The following COMP variants were observed in gnomAD, a reference collection of about 807,000 sequenced individuals.
The protein encoded by COMP is cartilage oligomeric matrix protein (pseudoachondroplasia, epiphyseal dysplasia 1, multiple).
In COMP, 79 loss-of-function variants were observed where a neutral mutation model predicts 95.8. That is an observed-to-expected ratio of 0.82 (90% CI 0.69 to 0.99). COMP has a LOEUF of 0.99. Ranked by LOEUF, COMP falls within the 50% of genes least tolerant of loss-of-function variation. The pLI, the probability that COMP is intolerant of heterozygous loss-of-function variation, is 0.00. For synonymous variants in COMP, 438 were observed against 433.9 expected (o/e 1.01, Z -0.12); for missense variants, 906 against 1,076.1 (o/e 0.84, Z 2.21).
chr19:18,791,026 C>T, intron 1 of COMP, 91 bp from the exon 2 acceptor site: 1 of 1,523,100 alleles, frequency 6.6e-7, no homozygotes, highest in South Asian at 1.2e-5. Flanking sequence ...ACCTCCGAGG[C>T]CCCACTGCGC....
chr19:18,783,725 T>C (rs1333616117), intron 17 of COMP, among the ~76,000 whole-genome samples: 1 of 152,002 alleles, frequency 6.6e-6, no homozygotes, highest in Non-Finnish European at 1.5e-5. Flanking sequence ...TTCTTCTGCC[T>C]CAGCCTCCTG....
Position 18,789,637 on chromosome 19 carries a change from C to T in COMP, c.390+305G>A, listed in dbSNP as rs1365437939. On this transcript the variant is annotated intron_variant, in intron 4 of 18. Coordinates refer to ENST00000222271, the MANE Select transcript of COMP (RefSeq NM_000095.3). The surrounding 1 kb of genome is among the most constrained non-coding windows in gnomAD (Gnocchi z 6.1). Reference sequence around the variant, plus strand: ...CCTGGCTGTGGAAGGGTCGTTGGGACTGGCGATCCCCTGCGGCGAGGAGGG... The same window carrying T: ...CCTGGCTGTGGAAGGGTCGTTGGGATTGGCGATCCCCTGCGGCGAGGAGGG... 6.6e-6 allele frequency among the ~76,000 whole-genome samples: 1 copy of T among 151,188 alleles called. No homozygotes were observed. Among genetic ancestry groups the T allele is most frequent in the African/African-American group, 2.4e-5 (1 of 41,082 alleles).
In COMP at chr19:18,785,546, C is replaced by A; in HGVS notation, c.1669G>T (p.Gly557Ter). ...IDPNWVVLNQ[G>*]REIVQTMNSD... is the part of the protein sequence containing the mutation. ...TTCATTGTCTGCACGATCTCCCTTC[C>A]CTGATGGGGTCAAAGAAAGGAGGGC... The change falls in exon 15 of 19, where the codon GGA (glycine) becomes TGA (stop). Residue 557 changes from glycine to a stop codon, truncating the protein, a stop_gained and splice_region_variant. Coordinates refer to ENST00000222271, the MANE Select transcript of COMP (RefSeq NM_000095.3). LOFTEE classifies it high-confidence loss of function. 1 of 1,614,058 alleles carries A rather than the reference C, an allele frequency of 6.2e-7. No individual in the cohort carries two copies. Among genetic ancestry groups the A allele is most frequent in the East Asian group, 2.2e-5 (1 of 44,878 alleles).
intron 10 of COMP, 24 bp from the exon 11 acceptor site, chr19:18,786,674 G>C: frequency 6.4e-7 from 1 of 1,566,024 alleles, no homozygotes; most frequent in Non-Finnish European, 8.7e-7. Context: ...CGGGACCAGA[G>C]CCCCAAGATT....
Position 18,784,267 on chromosome 19 carries a change from G to C in COMP, c.2011C>G (p.Pro671Ala). Residue 671 changes from proline to alanine, a missense_variant, in exon 17 of 19, where the codon CCG becomes GCG. Pro to Ala is a conservative substitution (Grantham distance 27, BLOSUM62 -1). Transcript: ENST00000222271. The surrounding 1 kb of genome is among the most constrained non-coding windows in gnomAD (Gnocchi z 4.9). ...TTGTCCTTCCAACCCACGTTTCGCG[G>C]GTCCTTCCACAGCAGCCGCACCTGG... ...ESQVRLLWKDPRNVGWKDKKS... is the reference protein window; with the variant it reads ...ESQVRLLWKDARNVGWKDKKS... The C allele has an allele frequency of 6.2e-7, 1 of 1,614,058 alleles. No individual in the cohort carries two copies.
At position 18,790,112 on chromosome 19, in the gene COMP, T is replaced by C. The variant is rs1392053295; in HGVS notation, c.220A>G (p.Met74Val). The change falls in exon 4 of 19, where the codon ATG becomes GTG. Residue 74 changes from methionine (M) to valine (V), a missense_variant and splice_region_variant. Physicochemically the swap from Met to Val is conservative, Grantham distance 21. Coordinates refer to ENST00000222271, the MANE Select transcript of COMP (RefSeq NM_000095.3). ...NTVMECDACG[M>V]QQSVRTGLPS... ...AGGCCGGTGCGTACTGACTGCTGCA[T>C]CCCTGCGGGGGGGAGGGGGGAGAAG... is the stretch of plus-strand genomic sequence containing the variant. 6.6e-7 allele frequency: 1 copy of C among 1,507,394 alleles called. No homozygotes were observed. The highest frequency in any genetic ancestry group is 8.9e-7 in the Non-Finnish European group (1 of 1,126,224). 93.4% of individuals were successfully genotyped at this position (1,507,394 alleles called of 1,614,324 possible).
Position 18,789,944 on chromosome 19 carries a change from C to T in COMP, c.388G>A (p.Glu130Lys). 1 of 1,592,092 alleles carries T rather than the reference C, an allele frequency of 6.3e-7. No homozygotes were observed. The highest frequency in any genetic ancestry group is 8.5e-7 in the Non-Finnish European group (1 of 1,177,534). The change falls in exon 4 of 19, where the codon GAG becomes AAG. Residue 130 changes from glutamate (E) to lysine (K), a missense_variant and splice_region_variant. Transcript: ENST00000222271. This position sits in a 1 kb window ranked among gnomAD's most constrained non-coding sequence, Gnocchi z 6.1. ...GTGGAGTGTCGGGGCTAGCGCACCT[C>T]GTTGACGTCGGTGCAGTGCGAGCCG... ...GNGSHCTDVNECNAHPCFPRV... is the reference protein window; with the variant it reads ...GNGSHCTDVNKCNAHPCFPRV...
In COMP at chr19:18,785,045, T is replaced by G; in HGVS notation, c.1765A>C (p.Asn589His). The G allele has an allele frequency of 6.2e-7, 1 of 1,614,096 alleles. No individual in the cohort carries two copies. Among genetic ancestry groups the G allele is most frequent in the Non-Finnish European group, 8.5e-7 (1 of 1,179,996 alleles). The change falls in exon 16 of 19, where the codon AAC (asparagine) becomes CAC (histidine). Residue 589 changes from asparagine (N) to histidine (H), a missense_variant. Transcript: ENST00000222271. ...GCATAGTCGTCATCCGTGACCGTGT[T>G]CACATGGAACGTGCCCTCGAAGTCC... ...GVDFEGTFHV[N>H]TVTDDDYAGF...
rs1568556051 is a variant in COMP at position 18,788,257 on chromosome 19, G to A, written c.930C>T (p.Asp310=). The A allele has an allele frequency of 2.5e-6, 4 of 1,613,224 alleles. No homozygotes were observed. The highest frequency in any genetic ancestry group is 3.4e-6 in the Non-Finnish European group (4 of 1,180,008). ...CCCCGTCGGCATCCGGATCGCAGGCGTCTCCGATGCCATCGCGGTCCACAT... is the reference window on the plus strand; with the variant it reads ...CCCCGTCGGCATCCGGATCGCAGGCATCTCCGATGCCATCGCGGTCCACAT... ...QEDVDRDGIG[D]ACDPDADGDG... is the part of the protein sequence containing the mutation. The change falls in exon 9 of 19, where the codon GAC becomes GAT. Residue 310 remains aspartate (D), a synonymous_variant. Transcript: ENST00000222271. This position sits in a 1 kb window ranked among gnomAD's most constrained non-coding sequence, Gnocchi z 4.7.
At position 18,790,892 on chromosome 19, in the gene COMP, G is replaced by T. The variant is rs771541405; in HGVS notation, c.123C>A (p.Thr41=). The change falls in exon 2 of 19, where the codon ACC becomes ACA. Residue 41 remains threonine (T), a synonymous_variant. Coordinates refer to ENST00000222271, the MANE Select transcript of COMP (RefSeq NM_000095.3). ...GPQMLRELQE[T]NAALQDVREL... ...CCCGCACGTCCTGCAGCGCCGCGTT[G>T]GTTTCCTGCAGTTCCCGAAGCATCT... The T allele has an allele frequency of 1.7e-5, 26 of 1,571,156 alleles. No homozygotes were observed. The highest frequency in any genetic ancestry group is 1.7e-4 in the Middle Eastern group (1 of 6,034).
At chr19:18,787,888 T>TTTTTTTGAGACAGAG (rs2055180711) in intron 9 of COMP, among the ~76,000 whole-genome samples, 1 of 89,008 alleles carries the variant, frequency 1.1e-5, no homozygotes, top group Non-Finnish European at 2.3e-5. Context: ...CTTTCTTTCT[T>TTTTTTTGAGACAGAG]TCTTTCTTTC....
rs1234619800 is a variant in COMP at position 18,788,602 on chromosome 19, C to T, written c.752G>A (p.Arg251Gln). 2.1e-5 allele frequency: 32 copies of T among 1,551,684 alleles called. No homozygotes were observed. The highest frequency in any genetic ancestry group is 2.6e-5 in the Non-Finnish European group (30 of 1,148,148). Residue 251 changes from arginine (R) to glutamine (Q), a missense_variant, in exon 7 of 19, where the codon CGG becomes CAG. Transcript: ENST00000222271. This position sits in a 1 kb window ranked among gnomAD's most constrained non-coding sequence, Gnocchi z 4.7. ...ADCVLERDGSRSCVCAVGWAG... is the reference protein window; with the variant it reads ...ADCVLERDGSQSCVCAVGWAG... ...CCCGCCCGCACTCACCACGCACGAC[C>T]GCGAGCCATCGCGCTCTAGGACGCA...
chr19:18,790,844 C>T lies in COMP; in HGVS notation c.165+6G>A, dbSNP rs1286456164. 3 of 1,558,556 alleles carry T rather than the reference C, an allele frequency of 1.9e-6. No homozygotes were observed. Among genetic ancestry groups the T allele is most frequent in the Non-Finnish European group, 8.7e-7 (1 of 1,154,562 alleles). On this transcript the variant is annotated splice_donor_region_variant and intron_variant, in intron 2 of 18. Coordinates refer to ENST00000222271, the MANE Select transcript of COMP (RefSeq NM_000095.3). ...GCACTCCCTGCCCCGCACCCGGGCCCCGCACCTGCTGCCGCAGCAGCTCCC... is the reference window on the plus strand; with the variant it reads ...GCACTCCCTGCCCCGCACCCGGGCCTCGCACCTGCTGCCGCAGCAGCTCCC...
At position 18,786,303 on chromosome 19, in the gene COMP, A is replaced by T. The variant is rs2055166961; in HGVS notation, c.1255-12T>A. On this transcript the variant is annotated splice_polypyrimidine_tract_variant and intron_variant, in intron 11 of 18. Transcript: ENST00000222271. ...TGGTCCACATCCGCCTGCGGAGGGC[A>T]GCATGCGGGGGTCCATAATCAGACA... The T allele has an allele frequency of 6.2e-7, 1 of 1,613,550 alleles. No homozygotes were observed. The highest frequency in any genetic ancestry group is 1.3e-5 in the African/African-American group (1 of 74,928).
rs201389713 is a variant in COMP at position 18,789,235 on chromosome 19, G to A, written c.453C>T (p.Cys151=). 16 of 1,531,086 alleles carry A rather than the reference G, an allele frequency of 1.0e-5. No individual in the cohort carries two copies. The Admixed American group carries it at 1.8e-4, about 17-fold the overall frequency. 94.8% of individuals were successfully genotyped at this position (1,531,086 alleles called of 1,614,324 possible). A position where few individuals can be genotyped will look rare whatever the true frequency, so the allele number is the denominator to read the frequency against. ...RCINTSPGFR[C]EACPPGYSGP... is the part of the protein sequence containing the mutation. ...CGCTGTACCCCGGCGGGCAAGCCTCGCAGCGGAACCCCGGGCTGGTGTTGA... is the reference window on the plus strand; with the variant it reads ...CGCTGTACCCCGGCGGGCAAGCCTCACAGCGGAACCCCGGGCTGGTGTTGA... Residue 151 remains cysteine (C), a synonymous_variant, in exon 5 of 19, where the codon TGC becomes TGT. Transcript: ENST00000222271. The surrounding 1 kb of genome is among the most constrained non-coding windows in gnomAD (Gnocchi z 6.1).
intron 17 of COMP, among the ~76,000 whole-genome samples, chr19:18,783,912 A>T (rs1467297247): frequency 6.6e-6 from 1 of 151,876 alleles, no homozygotes; most frequent in Non-Finnish European, 1.5e-5. Flanking sequence ...GCCTGGCCTA[A>T]TTTTTTTCTT....
intron 15 of COMP, 32 bp downstream of exon 15, chr19:18,785,466 G>A (rs749401915): frequency 2.2e-5 from 35 of 1,609,078 alleles, no homozygotes; most frequent in East Asian, 6.7e-5. Context: ...AGCCCGCTCC[G>A]TGGCAGGATA....
chr19:18,784,897 T>A lies in COMP; in HGVS notation c.1913A>T (p.Lys638Met). 1 of 1,613,660 alleles carries A rather than the reference T, an allele frequency of 6.2e-7. No homozygotes were observed. Among genetic ancestry groups the A allele is most frequent in the Non-Finnish European group, 8.5e-7 (1 of 1,179,902 alleles). Residue 638 changes from lysine to methionine, a missense_variant and splice_region_variant, in exon 16 of 19, where the codon AAG becomes ATG. Physicochemically the swap from Lys to Met is moderately conservative, Grantham distance 95. Transcript: ENST00000222271. The surrounding 1 kb of genome is among the most constrained non-coding windows in gnomAD (Gnocchi z 4.9). ...RAVAEPGIQL[K>M]AVKSSTGPGE... is the part of the protein sequence containing the mutation. Reference sequence around the variant, plus strand: ...GTCAGGCACGGACGGCCCTGGCACCTTGAGTTGGATGCCAGGCTCGGCCAC... The same window carrying A: ...GTCAGGCACGGACGGCCCTGGCACCATGAGTTGGATGCCAGGCTCGGCCAC...
At position 18,790,621 on chromosome 19, in the gene COMP, G is replaced by A; in HGVS notation, c.166-8C>T. On this transcript the variant is annotated splice_region_variant and splice_polypyrimidine_tract_variant and intron_variant, in intron 2 of 18. Coordinates refer to ENST00000222271, the MANE Select transcript of COMP (RefSeq NM_000095.3). ...GAACGTGATCTCCCTGACCTGCAGGGGTGGGATGGAATCAGCGGGGTCCCA... is the reference window on the plus strand; with the variant it reads ...GAACGTGATCTCCCTGACCTGCAGGAGTGGGATGGAATCAGCGGGGTCCCA... 2.5e-6 allele frequency: 4 copies of A among 1,613,834 alleles called. No homozygotes were observed. Among genetic ancestry groups the A allele is most frequent in the Non-Finnish European group, 3.4e-6 (4 of 1,179,868 alleles).
Sources: allele counts gnomAD v4.1 joint callset (sites outside exome capture counted in the v4.1 genomes callset), GRCh38; gene constraint gnomAD v4.1.1; non-coding constraint Gnocchi (gnomAD v3.1); transcripts MANE v1.5; gene names NCBI Gene and HGNC (gene_info 2026-07-23, HGNC 2026-07-21).